The following ST3GAL3 variants were observed in gnomAD, a reference collection of about 807,000 sequenced individuals.
The protein encoded by ST3GAL3 is CMP-N-acetylneuraminate-beta-1,4-galactoside alpha-2,3-sialyltransferase.
A neutral mutation model predicts 50.1 loss-of-function variants in ST3GAL3; 21 were observed. The ratio of observed to expected loss-of-function variants is 0.42; its 90% CI spans 0.30 to 0.60. ST3GAL3 has a LOEUF of 0.60. ST3GAL3 is among the 20% of genes least tolerant of loss of function. The pLI, the probability that ST3GAL3 is intolerant of heterozygous loss-of-function variation, is 0.19. For missense variants in ST3GAL3, 353 were observed against 489.4 expected (o/e 0.72, Z 2.63); for synonymous variants, 183 against 190.0 (o/e 0.96, Z 0.30).
chr1:43,846,588 T>C (rs1419299782), intron 5 of ST3GAL3, among the ~76,000 whole-genome samples: 2 of 152,200 alleles, frequency 1.3e-5, no homozygotes, highest in Non-Finnish European at 1.5e-5. Flanking sequence ...CTTTTTAACC[T>C]GTTTGTGTCA....
intron 2 of ST3GAL3, among the ~76,000 whole-genome samples, chr1:43,746,351 T>G (rs1329629246): frequency 1.3e-5 from 2 of 152,208 alleles, no homozygotes; most frequent in East Asian, 1.9e-4. Flanking sequence ...GTTCAATGGG[T>G]TCAGAGTTTC....
chr1:43,872,493 GGA>G (rs1020201719), intron 5 of ST3GAL3, among the ~76,000 whole-genome samples: 4 of 151,892 alleles, frequency 2.6e-5, no homozygotes, highest in African/African-American at 9.7e-5. Context: ...AACTGGGAGG[GGA>G]GAGAGAGAGG....
chr1:43,858,024 G>T, intron 5 of ST3GAL3: 1 of 714,632 alleles, frequency 1.4e-6, no homozygotes, highest in Non-Finnish European at 2.1e-6. Context: ...TTCACAGATG[G>T]TTTGAGAAGT....
At position 43,930,477 on chromosome 1, in the gene ST3GAL3, G is replaced by C; in HGVS notation, c.*256G>C. On this transcript the variant is annotated 3_prime_UTR_variant, in exon 12 of 12. Coordinates refer to ENST00000347631, the MANE Select transcript of ST3GAL3 (RefSeq NM_006279.5). Reference sequence around the variant, plus strand: ...TGTGCCCAGCAGGCCCAGCATGCAGGTGGTGGGACACTGGGCAGCAAGGCT... The same window carrying C: ...TGTGCCCAGCAGGCCCAGCATGCAGCTGGTGGGACACTGGGCAGCAAGGCT... 1.7e-6 allele frequency: 1 copy of C among 580,252 alleles called. No homozygotes were observed. Among genetic ancestry groups the C allele is most frequent in the Non-Finnish European group, 3.1e-6 (1 of 323,704 alleles). The allele number at this position is 580,252 out of a possible 1,614,324, so 35.9% of individuals were successfully genotyped here.
intron 9 of ST3GAL3, among the ~76,000 whole-genome samples, chr1:43,902,562 C>T (rs533646882): frequency 1.3e-5 from 2 of 152,306 alleles, no homozygotes; most frequent in East Asian, 3.9e-4. Flanking sequence ...ACTGATATCT[C>T]CAAACAGGTT....
intron 2 of ST3GAL3, among the ~76,000 whole-genome samples, chr1:43,746,664 A>T (rs1203494049): frequency 1.3e-5 from 2 of 151,378 alleles, no homozygotes; most frequent in Non-Finnish European, 2.9e-5. Flanking sequence ...GGGTTTCACC[A>T]TGTTGGCCAG....
At chr1:43,896,366 A>G (rs1299055167) in intron 6 of ST3GAL3, among the ~76,000 whole-genome samples, 2 of 152,200 alleles carry the variant, frequency 1.3e-5, no homozygotes, top group South Asian at 2.1e-4. Flanking sequence ...TACATAAAAT[A>G]TTTCAAGCAT....
chr1:43,877,785 A>C (rs1284996952), intron 5 of ST3GAL3, among the ~76,000 whole-genome samples: 1 of 152,224 alleles, frequency 6.6e-6, no homozygotes, highest in African/African-American at 2.4e-5. Flanking sequence ...CAGAGCAGAT[A>C]GTGGTCAGCA....
intron 5 of ST3GAL3, chr1:43,842,000 A>G (rs2065458638): frequency 6.6e-6 from 1 of 152,174 alleles, no homozygotes; most frequent in South Asian, 2.1e-4. Flanking sequence ...ATCACTCTCA[A>G]CTTCAAACTT....
rs556697787 is a variant in ST3GAL3 at position 43,850,943 on chromosome 1, G to A, written c.302+12632G>A. On this transcript the variant is annotated intron_variant, in intron 5 of 11. Transcript: ENST00000347631. The stretch of plus-strand genomic sequence containing the variant: ...GATCCATACTTTGCCCTCCTTTCCT[G>A]TAGAAGATCGTGCGGACTTGGCAGC... 7.6e-5 allele frequency: 81 copies of A among 1,063,082 alleles called. No individual in the cohort carries two copies. In the South Asian group the frequency reaches 8.0e-4, roughly 10 times the overall value. 65.9% of individuals were successfully genotyped at this position (1,063,082 alleles called of 1,614,324 possible).
intron 11 of ST3GAL3, among the ~76,000 whole-genome samples, chr1:43,927,900 G>T (rs937225680): frequency 6.6e-6 from 1 of 152,184 alleles, no homozygotes; most frequent in Non-Finnish European, 1.5e-5. Context: ...TGGAATGTGA[G>T]GGAAGAAACG....
chr1:43,850,637 G>T (rs2067113157), intron 5 of ST3GAL3: 25 of 752,188 alleles, frequency 3.3e-5, no homozygotes, highest in South Asian at 3.2e-4. Flanking sequence ...CAGCCCTTCT[G>T]CCATCTGTGC....
chr1:43,930,354 A>G lies in ST3GAL3; in HGVS notation c.*133A>G. 1.2e-6 allele frequency: 1 copy of G among 845,402 alleles called. No homozygotes were observed. The allele number at this position is 845,402 out of a possible 1,614,324, so 52.4% of individuals were successfully genotyped here. ...AGGGGCAGCAAGGCCTTGGTGGAGC[A>G]GCCAGAGCTGTGCCTGCTCAGCAGC... On this transcript the variant is annotated 3_prime_UTR_variant, in exon 12 of 12. Transcript: ENST00000347631.
chr1:43,737,796 C>G lies in ST3GAL3; in HGVS notation c.118+1416C>G, dbSNP rs1240762392. The G allele has an allele frequency of 6.6e-6, 1 of 152,288 alleles. No individual in the cohort carries two copies. Among genetic ancestry groups the G allele is most frequent in the Non-Finnish European group, 1.5e-5 (1 of 68,020 alleles). 9.4% of individuals were successfully genotyped at this position (152,288 alleles called of 1,614,324 possible). The stretch of plus-strand genomic sequence containing the variant: ...GCTGCTGACCTGTAGAAGATATAAC[C>G]AAGGATCAGATAAGATTTTCCTAGA... On this transcript the variant is annotated intron_variant, in intron 2 of 11. Coordinates refer to ENST00000347631, the MANE Select transcript of ST3GAL3 (RefSeq NM_006279.5). This position sits in a 1 kb window ranked among gnomAD's most constrained non-coding sequence, Gnocchi z 4.0.
chr1:43,757,779 G>GAACTTTATCA (rs1197971139), intron 2 of ST3GAL3, among the ~76,000 whole-genome samples: 2 of 152,070 alleles, frequency 1.3e-5, no homozygotes, highest in Non-Finnish European at 2.9e-5. Flanking sequence ...AAAAAACATT[G>GAACTTTATCA]AACTTTATCA....
chr1:43,906,927 A>G (rs2079875414), intron 9 of ST3GAL3, among the ~76,000 whole-genome samples: 1 of 152,184 alleles, frequency 6.6e-6, no homozygotes, highest in Non-Finnish European at 1.5e-5. Context: ...GGTAGAGCCT[A>G]ATTAAAACTC....
intron 5 of ST3GAL3, among the ~76,000 whole-genome samples, chr1:43,891,980 G>A (rs968330726): frequency 6.6e-6 from 1 of 152,200 alleles, no homozygotes; most frequent in African/African-American, 2.4e-5. Context: ...GTCTCGCTCT[G>A]TCGCCCAGGC....
At chr1:43,738,263 G>C (rs1361858029) in intron 2 of ST3GAL3, 2 of 152,146 alleles carry the variant, frequency 1.3e-5, no homozygotes, top group Non-Finnish European at 2.9e-5. Flanking sequence ...TGGGCCGTAG[G>C]CTTCAGAAGT....
chr1:43,826,577 C>T (rs1297648421), intron 4 of ST3GAL3, among the ~76,000 whole-genome samples: 1 of 152,192 alleles, frequency 6.6e-6, no homozygotes, highest in Admixed American at 6.5e-5. Context: ...CGCTTTCTAA[C>T]TCATTCTATG....
Sources: allele counts gnomAD v4.1 joint callset (sites outside exome capture counted in the v4.1 genomes callset), GRCh38; gene constraint gnomAD v4.1.1; non-coding constraint Gnocchi (gnomAD v3.1); transcripts MANE v1.5; gene names NCBI Gene and HGNC (gene_info 2026-07-23, HGNC 2026-07-21).